Variants in NFATC3 observed in about 807,000 individuals in gnomAD.
The protein encoded by NFATC3 is nuclear factor of activated T cells 3.
NFATC3 carries 46 observed loss-of-function variants against 98.6 expected under a neutral mutation model. That is an observed-to-expected ratio of 0.47 (90% confidence interval 0.37 to 0.60). NFATC3 has a LOEUF of 0.60. NFATC3 is among the 20% of genes least tolerant of loss of function. NFATC3 has a pLI of 0.00. For synonymous variants in NFATC3, 512 were observed against 472.2 expected (o/e 1.08, Z -1.09); for missense variants, 1,256 against 1,295.5 (o/e 0.97, Z 0.47).
At chr16:68,169,442 C>T (rs2039358925) in intron 5 of NFATC3, among the ~76,000 whole-genome samples, 1 of 151,912 alleles carries the variant, frequency 6.6e-6, no homozygotes, top group African/African-American at 2.4e-5. Flanking sequence ...CTGATTTTTG[C>T]ATTTTTCCCC....
intron 9 of NFATC3, chr16:68,212,545 T>G (rs2041452403): frequency 6.6e-6 from 1 of 152,208 alleles, no homozygotes; most frequent in South Asian, 2.1e-4. Flanking sequence ...TTTTTGACTC[T>G]TGGGGCATCT....
chr16:68,106,880 A>G (rs564698624), intron 1 of NFATC3, among the ~76,000 whole-genome samples: 1 of 152,086 alleles, frequency 6.6e-6, no homozygotes, highest in Admixed American at 6.6e-5. Context: ...CCCAGCATGC[A>G]TTAGGTATTT....
intron 1 of NFATC3, among the ~76,000 whole-genome samples, chr16:68,100,931 T>A (rs969310435): frequency 2.6e-5 from 4 of 151,166 alleles, no homozygotes; most frequent in African/African-American, 7.3e-5. Context: ...TGTGTGTGTG[T>A]GAAACAAGTC....
intron 8 of NFATC3, among the ~76,000 whole-genome samples, chr16:68,185,964 A>T (rs2040183503): frequency 1.3e-5 from 2 of 151,980 alleles, no homozygotes; most frequent in African/African-American, 4.8e-5. Context: ...AGGATATTAC[A>T]TTTGGGAATG....
intron 5 of NFATC3, among the ~76,000 whole-genome samples, chr16:68,168,168 G>A (rs568553933): frequency 2.7e-5 from 4 of 148,316 alleles, no homozygotes; most frequent in Non-Finnish European, 6.0e-5. Flanking sequence ...TGAGGGGGTT[G>A]GGTGTTTTTT....
intron 6 of NFATC3, among the ~76,000 whole-genome samples, chr16:68,176,653 C>T (rs2039723261): frequency 6.6e-6 from 1 of 152,130 alleles, no homozygotes; most frequent in African/African-American, 2.4e-5. Flanking sequence ...GTTTGAATTT[C>T]CCTGATAGCT....
intron 9 of NFATC3, chr16:68,200,319 G>C (rs1261863644): frequency 6.6e-6 from 1 of 151,958 alleles, no homozygotes; most frequent in African/African-American, 2.4e-5. Flanking sequence ...ATGGCCTGAG[G>C]TCAGGGGATT....
intron 1 of NFATC3, among the ~76,000 whole-genome samples, chr16:68,088,394 T>C (rs1211334724): frequency 6.9e-6 from 1 of 145,876 alleles, no homozygotes; most frequent in Non-Finnish European, 1.5e-5. Context: ...GTATATTTCA[T>C]ATATAATATA....
chr16:68,201,957 CAAAAAAAAAAAAAAA>C (rs778770193), intron 9 of NFATC3, among the ~76,000 whole-genome samples: 2 of 23,638 alleles, frequency 8.5e-5, no homozygotes, highest in African/African-American at 2.2e-4. Context: ...GACTCCATCT[CAAAAAAAAAAAAAAA>C]AAAAAAAAAA....
intron 1 of NFATC3, among the ~76,000 whole-genome samples, chr16:68,098,908 A>T (rs920235359): frequency 6.6e-6 from 1 of 152,222 alleles, no homozygotes; most frequent in Non-Finnish European, 1.5e-5. Flanking sequence ...ATCCACAGGA[A>T]GTTGTAAATA....
At chr16:68,217,115 T>C (rs989017500) in intron 9 of NFATC3, among the ~76,000 whole-genome samples, 15 of 151,928 alleles carry the variant, frequency 9.9e-5, no homozygotes, top group African/African-American at 3.4e-4. Context: ...GTCCACCCCA[T>C]TGTATAAGGT....
chr16:68,122,796 G>GT lies in NFATC3; in HGVS notation c.914dup (p.Thr306AspfsTer30). ...ACCTGGTCACTCCCCCAGGGGAAGT[G>GT]TGACAGAAGATACGTGGCTCAATGC... is the stretch of plus-strand genomic sequence containing the variant. On this transcript the variant is annotated frameshift_variant, in exon 2 of 10. Coordinates refer to ENST00000346183, the MANE Select transcript of NFATC3 (RefSeq NM_173165.3). LOFTEE classifies it high-confidence loss of function. The GT allele has an allele frequency of 6.2e-7, 1 of 1,614,268 alleles. No homozygotes were observed. The highest frequency in any genetic ancestry group is 8.5e-7 in the Non-Finnish European group (1 of 1,180,048).
At chr16:68,161,752 T>C (rs2038903431) in intron 4 of NFATC3, among the ~76,000 whole-genome samples, 2 of 152,232 alleles carry the variant, frequency 1.3e-5, no homozygotes, top group Non-Finnish European at 2.9e-5. Context: ...TTATTTTTTC[T>C]TGGCTTTATT....
At chr16:68,123,178 ATATAAC>A in intron 2 of NFATC3, 57 bp downstream of exon 2, 1 of 1,504,384 alleles carries the variant, frequency 6.6e-7, no homozygotes, top group Non-Finnish European at 8.9e-7. Flanking sequence ...CATTGGTGGC[ATATAAC>A]TACATTATCA....
intron 9 of NFATC3, chr16:68,192,228 A>AC (rs1380467877): frequency 1.7e-4 from 12 of 72,524 alleles, no homozygotes; most frequent in Non-Finnish European, 7.2e-5. Flanking sequence ...AAAAAAAAAA[A>AC]AAATATATAT....
At chr16:68,190,351 A>G (rs1311463787) in intron 8 of NFATC3, among the ~76,000 whole-genome samples, 1 of 152,222 alleles carries the variant, frequency 6.6e-6, no homozygotes, top group Admixed American at 6.5e-5. Flanking sequence ...TCCCCAAGTC[A>G]ATACTTAATT....
At chr16:68,167,163 A>T (rs2039233901) in intron 5 of NFATC3, 148 bp downstream of exon 5, 1 of 785,756 alleles carries the variant, frequency 1.3e-6, no homozygotes, top group Non-Finnish European at 2.0e-6. Context: ...AAATGAGCTA[A>T]CATGTTTGGG....
At chr16:68,217,890 C>G (rs768152728) in intron 9 of NFATC3, 3 of 1,225,596 alleles carry the variant, frequency 2.4e-6, no homozygotes, top group Non-Finnish European at 3.0e-6. Flanking sequence ...ACTGGGGAAG[C>G]CAGGAAATAT....
intron 3 of NFATC3, among the ~76,000 whole-genome samples, chr16:68,148,770 G>C (rs915654196): frequency 6.6e-6 from 1 of 152,198 alleles, no homozygotes; most frequent in African/African-American, 2.4e-5. Context: ...CACCTTAGGA[G>C]GTTGAGGCGG....
Sources: gnomAD v4.1 joint callset for allele counts (sites outside exome capture counted in the v4.1 genomes callset) on GRCh38, gnomAD v4.1.1 for gene constraint, MANE v1.5 for transcripts, NCBI Gene and HGNC (gene_info 2026-07-23, HGNC 2026-07-21) for gene names.